The following GCAT variants were observed in gnomAD, a reference collection of about 807,000 sequenced individuals.
GCAT encodes glycine C-acetyltransferase.
In GCAT, 26 loss-of-function variants were observed where a neutral mutation model predicts 39.7. The ratio of observed to expected loss-of-function variants is 0.65; its 90% CI spans 0.48 to 0.91. The LOEUF is 0.91. Ranked by LOEUF, GCAT falls within the 40% of genes least tolerant of loss-of-function variation. GCAT has a pLI of 0.00. For missense variants in GCAT, 550 were observed against 576.2 expected (o/e 0.95, Z 0.47); for synonymous variants, 218 against 237.2 (o/e 0.92, Z 0.74).
chr22:37,816,301 C>T lies in GCAT; in HGVS notation c.1088C>T (p.Ala363Val), dbSNP rs898076999. Residue 363 changes from alanine to valine, a missense_variant, in exon 8 of 9, where the codon GCG becomes GTG. Physicochemically the swap from Ala to Val is moderately conservative, Grantham distance 64. Coordinates refer to ENST00000248924, the MANE Select transcript of GCAT (RefSeq NM_014291.4). ...GATGCCCGGCTGGCCTCTCGCATGG[C>T]GGATGACATGCTGAAGAGAGGTAAG... ...LGDARLASRM[A>V]DDMLKRGIFV... The T allele has an allele frequency of 3.1e-6, 5 of 1,611,704 alleles. No homozygotes were observed. The highest frequency in any genetic ancestry group is 4.5e-5 in the East Asian group (2 of 44,894).
At position 37,813,888 on chromosome 22, in the gene GCAT, C is replaced by G. The variant is rs12628125; in HGVS notation, c.576+279C>G. On this transcript the variant is annotated intron_variant, in intron 4 of 8. Coordinates refer to ENST00000248924, the MANE Select transcript of GCAT (RefSeq NM_014291.4). ...TCAAGTGATTCTCCTGCCTCAGCCT[C>G]CCAAGTAGCTGGGATTACAGGCATC... is the stretch of plus-strand genomic sequence containing the variant. 1.1e-3 allele frequency among the ~76,000 whole-genome samples: 173 copies of G among 152,210 alleles called. 4 individuals are homozygous for G. In the East Asian group the frequency reaches 0.031, roughly 27 times the overall value.
chr22:37,811,182 A>G (rs1227032698), intron 2 of GCAT, among the ~76,000 whole-genome samples: 1 of 152,138 alleles, frequency 6.6e-6, no homozygotes, highest in Non-Finnish European at 1.5e-5. Flanking sequence ...AAGACTTAAT[A>G]CATGTAATGC....
chr22:37,815,064 A>G, intron 4 of GCAT, 62 bp from the exon 5 acceptor site: 1 of 1,558,282 alleles, frequency 6.4e-7, no homozygotes, highest in Non-Finnish European at 8.8e-7. Flanking sequence ...CAAGCAGCAC[A>G]AGAGACGGGT....
At chr22:37,814,294 ACT>A (rs1030220139) in intron 4 of GCAT, among the ~76,000 whole-genome samples, 11 of 150,214 alleles carry the variant, frequency 7.3e-5, no homozygotes, top group Non-Finnish European at 1.3e-4. Context: ...ATGGAATTTC[ACT>A]CTTTTTGCCC....
chr22:37,815,561 CAG>C, intron 6 of GCAT, 61 bp downstream of exon 6: 1 of 1,522,386 alleles, frequency 6.6e-7, no homozygotes, highest in South Asian at 1.2e-5. Context: ...TGGAGGGGCT[CAG>C]GGAAGTGGGG....
Position 37,813,479 on chromosome 22 carries a change from AGGACGCAGTCCTGTC to A in GCAT, c.452_466del (p.Ala151_Asp155del). ...TCCCTCCAGGCCCTGCTGACCCCAG[AGGACGCAGTCCTGTC>A]GGACGAGCTGAACCATGCCTCCATC... On this transcript the variant is annotated inframe_deletion, in exon 4 of 9. Coordinates refer to ENST00000248924, the MANE Select transcript of GCAT (RefSeq NM_014291.4). 1 of 1,604,228 alleles carries A rather than the reference AGGACGCAGTCCTGTC, an allele frequency of 6.2e-7. No individual in the cohort carries two copies. The highest frequency in any genetic ancestry group is 8.5e-7 in the Non-Finnish European group (1 of 1,175,654).
rs182422563 is a variant in GCAT, at chr22:37,810,117, G to T, written c.287G>T (p.Gly96Val). ...GGTCTGCAGGCTCTGGAGGAGTTTG[G>T]AGCTGGCCTCAGCTCTGTCCGCTTT... is the stretch of plus-strand genomic sequence containing the variant. ...QAGLQALEEFGAGLSSVRFIC... is the reference protein window; with the variant it reads ...QAGLQALEEFVAGLSSVRFIC... Residue 96 changes from glycine to valine, a missense_variant, in exon 2 of 9, where the codon GGA becomes GTA. Around this residue, in one of 3 missense-constraint regions of GCAT, gnomAD observed 154 missense variants for 141.9 expected, o/e 1.08. Transcript: ENST00000248924. 2.0e-4 allele frequency: 330 copies of T among 1,614,194 alleles called. 4 individuals are homozygous for T. In the East Asian group the frequency reaches 6.3e-3, roughly 31 times the overall value.
At chr22:37,816,146 C>T (rs1922167090) in intron 7 of GCAT, 54 bp from the exon 8 acceptor site, 14 of 1,590,596 alleles carry the variant, frequency 8.8e-6, no homozygotes, top group Admixed American at 5.2e-5. Flanking sequence ...CTGCAAGGAG[C>T]GGGTGTGAAT....
chr22:37,811,472 C>T (rs1240252866), intron 2 of GCAT, among the ~76,000 whole-genome samples: 1 of 114,466 alleles, frequency 8.7e-6, no homozygotes, highest in Non-Finnish European at 1.7e-5. Context: ...CAGAGTGAGA[C>T]TCTGTCTCAA....
chr22:37,816,344 A>G (rs768598004), intron 8 of GCAT, 23 bp downstream of exon 8: 1 of 1,607,158 alleles, frequency 6.2e-7, no homozygotes, highest in Admixed American at 1.7e-5. Flanking sequence ...AGACAAGGGA[A>G]CTGGTGGTGG....
rs556878048 is a variant in GCAT at position 37,816,781 on chromosome 22, C to T, written c.*63C>T. On this transcript the variant is annotated 3_prime_UTR_variant, in exon 9 of 9. Transcript: ENST00000248924. ...CTGCCACAGGGTCAAAGGAGGTTTT[C>T]GATCAGCCCAGACCAGAGGCTCTGA... is the stretch of plus-strand genomic sequence containing the variant. 2.2e-5 allele frequency: 34 copies of T among 1,564,758 alleles called. No homozygotes were observed. The highest frequency in any genetic ancestry group is 6.8e-5 in the African/African-American group (5 of 73,998).
downstream of GCAT, chr22:37,816,907 C>G: frequency 1.6e-6 from 1 of 609,698 alleles, no homozygotes; most frequent in South Asian, 2.0e-5. Flanking sequence ...ACACTCTGGT[C>G]TGCTTTATTG....
Position 37,813,626 on chromosome 22 carries a change from G to A in GCAT, c.576+17G>A. ...GAGGCCCAGGTGGGGCGACGCCTGGGTCCACCCTCAGCCTCCGCCTGGGGA... is the reference window on the plus strand; with the variant it reads ...GAGGCCCAGGTGGGGCGACGCCTGGATCCACCCTCAGCCTCCGCCTGGGGA... On this transcript the variant is annotated intron_variant, in intron 4 of 8. Transcript: ENST00000248924. 1 of 1,589,034 alleles carries A rather than the reference G, an allele frequency of 6.3e-7. No homozygotes were observed. Among genetic ancestry groups the A allele is most frequent in the Non-Finnish European group, 8.6e-7 (1 of 1,169,388 alleles).
intron 1 of GCAT, 82 bp from the exon 2 acceptor site, chr22:37,809,945 C>T (rs1601693274): frequency 1.3e-6 from 2 of 1,568,902 alleles, no homozygotes; most frequent in East Asian, 4.7e-5. Context: ...GACCATTTCC[C>T]CAGGGCCTGG....
chr22:37,815,907 C>T, intron 7 of GCAT, 73 bp downstream of exon 7: 2 of 1,549,454 alleles, frequency 1.3e-6, no homozygotes, highest in South Asian at 2.3e-5. Flanking sequence ...TCTGCCCAGG[C>T]CCACAGACAG....
intron 2 of GCAT, among the ~76,000 whole-genome samples, chr22:37,812,304 TG>T (rs1921686703): frequency 6.6e-6 from 1 of 151,720 alleles, no homozygotes; most frequent in South Asian, 2.1e-4. Context: ...GTCTCACTAC[TG>T]CACTCCAGCC....
Position 37,813,609 on chromosome 22 carries a change from G to C in GCAT, c.576G>C (p.Gln192His), listed in dbSNP as rs747573187. The part of the protein sequence containing the change: ...ADLEAKLQEA[Q>H]KHRLRLVATD... ...TAGAAGCCAAGCTGCAGGAGGCCCAGGTGGGGCGACGCCTGGGTCCACCCT... is the reference window on the plus strand; with the variant it reads ...TAGAAGCCAAGCTGCAGGAGGCCCACGTGGGGCGACGCCTGGGTCCACCCT... Residue 192 changes from glutamine to histidine, a missense_variant and splice_region_variant, in exon 4 of 9, where the codon CAG (glutamine) becomes CAC (histidine). Gln to His is a conservative substitution (Grantham distance 24, BLOSUM62 0). Around this residue, in one of 3 missense-constraint regions of GCAT, gnomAD observed 378 missense variants for 390.4 expected, o/e 0.97. Transcript: ENST00000248924. 2 of 1,603,392 alleles carry C rather than the reference G, an allele frequency of 1.2e-6. No homozygotes were observed. The highest frequency in any genetic ancestry group is 1.7e-6 in the Non-Finnish European group (2 of 1,175,534).
chr22:37,816,410 C>G, intron 8 of GCAT, 89 bp downstream of exon 8: 1 of 1,546,374 alleles, frequency 6.5e-7, no homozygotes, highest in South Asian at 1.2e-5. Flanking sequence ...CCGTACCCAG[C>G]CACGCTGCGG....
chr22:37,812,208 G>A (rs548336959), intron 2 of GCAT, among the ~76,000 whole-genome samples: 4 of 152,054 alleles, frequency 2.6e-5, no homozygotes, highest in South Asian at 4.2e-4. Flanking sequence ...GTGGTGGTGC[G>A]CACCTGTAGT....
Sources: gnomAD v4.1 joint callset for allele counts (sites outside exome capture counted in the v4.1 genomes callset) on GRCh38, gnomAD v4.1.1 for gene constraint, gnomAD v4.1.1 regional missense constraint, MANE v1.5 for transcripts, NCBI Gene and HGNC (gene_info 2026-07-23, HGNC 2026-07-21) for gene names.